ZCWPW2: variants seen among roughly 807,000 people sequenced by gnomAD.
The protein encoded by ZCWPW2 is zinc finger CW-type and PWWP domain containing 2, also known as zinc finger CW-type PWWP domain protein 2.
In ZCWPW2, 45 loss-of-function variants were observed where a neutral mutation model predicts 46.6. The ratio of observed to expected loss-of-function variants is 0.96; its 90% CI spans 0.76 to 1.24. The LOEUF is 1.24. Among genes scored for constraint, ZCWPW2 ranks in the 50% most tolerant of loss-of-function variants. ZCWPW2 has a pLI of 0.00. For missense variants in ZCWPW2, 429 were observed against 403.9 expected (o/e 1.06, Z -0.53); for synonymous variants, 152 against 137.1 (o/e 1.11, Z -0.76).
intron 1 of ZCWPW2, among the ~76,000 whole-genome samples, chr3:28,380,128 G>A (rs1694983384): frequency 6.6e-6 from 1 of 151,822 alleles, no homozygotes; most frequent in Non-Finnish European, 1.5e-5. Flanking sequence ...GACTACAGGT[G>A]CCCACCACCA....
At chr3:28,520,936 T>A in intron 8 of ZCWPW2, 56 bp from the exon 9 acceptor site, 1 of 1,594,114 alleles carries the variant, frequency 6.3e-7, no homozygotes, top group Non-Finnish European at 8.6e-7. Context: ...AGATTATGAA[T>A]TAGATTGAAT....
chr3:28,520,859 A>G, intron 8 of ZCWPW2, 133 bp from the exon 9 acceptor site: 1 of 1,091,140 alleles, frequency 9.2e-7, no homozygotes. Flanking sequence ...GTCATGTATG[A>G]AAATTATATG....
chr3:28,393,538 C>T (rs1695579339), intron 2 of ZCWPW2, among the ~76,000 whole-genome samples: 1 of 151,942 alleles, frequency 6.6e-6, no homozygotes, highest in South Asian at 2.1e-4. Context: ...CAAAAATCCT[C>T]AACAAAATGC....
intron 3 of ZCWPW2, 53 bp downstream of exon 3, chr3:28,413,453 G>A (rs558496522): frequency 7.1e-7 from 1 of 1,410,662 alleles, no homozygotes; most frequent in African/African-American, 1.4e-5. Flanking sequence ...CTAGGTTTAT[G>A]AATATTAAAA....
chr3:28,397,476 C>T (rs1695748237), intron 2 of ZCWPW2, among the ~76,000 whole-genome samples: 1 of 152,122 alleles, frequency 6.6e-6, no homozygotes, highest in Non-Finnish European at 1.5e-5. Flanking sequence ...TTGAGACCAG[C>T]CTAGCCAACA....
chr3:28,402,575 C>T (rs1695990989), intron 2 of ZCWPW2, among the ~76,000 whole-genome samples: 1 of 152,086 alleles, frequency 6.6e-6, no homozygotes, highest in Non-Finnish European at 1.5e-5. Flanking sequence ...CACCCTAATA[C>T]CAAAACGAGA....
At chr3:28,504,010 A>G (rs1014603053) in intron 6 of ZCWPW2, among the ~76,000 whole-genome samples, 1 of 151,938 alleles carries the variant, frequency 6.6e-6, no homozygotes, top group African/African-American at 2.4e-5. Context: ...AGCCTGGGTA[A>G]CATCGTGAAA....
At chr3:28,512,304 A>C (rs1700448872) in intron 6 of ZCWPW2, among the ~76,000 whole-genome samples, 1 of 151,996 alleles carries the variant, frequency 6.6e-6, no homozygotes, top group Non-Finnish European at 1.5e-5. Flanking sequence ...CAGCCTCCCA[A>C]GTAGCTGGAA....
intron 2 of ZCWPW2, among the ~76,000 whole-genome samples, chr3:28,391,078 A>T (rs1240977704): frequency 4.6e-5 from 7 of 152,176 alleles, no homozygotes; most frequent in Non-Finnish European, 8.8e-5. Flanking sequence ...CAACTTTTAG[A>T]CTAAAATTAT....
At chr3:28,389,772 A>G (rs1291946876) in intron 1 of ZCWPW2, among the ~76,000 whole-genome samples, 2 of 152,182 alleles carry the variant, frequency 1.3e-5, no homozygotes, top group East Asian at 3.9e-4. Flanking sequence ...TGGCAAGTCC[A>G]GTTTCTGATG....
intron 3 of ZCWPW2, chr3:28,428,228 G>A (rs1034154684): frequency 3.9e-5 from 6 of 152,418 alleles, no homozygotes; most frequent in Admixed American, 1.3e-4. Flanking sequence ...AGGTCCTGAC[G>A]CTACAATTGA....
At chr3:28,459,018 A>G (rs1698527389) in intron 4 of ZCWPW2, among the ~76,000 whole-genome samples, 1 of 151,670 alleles carries the variant, frequency 6.6e-6, no homozygotes, top group African/African-American at 2.4e-5. Flanking sequence ...GTTTGTTTTG[A>G]TCTACTCTTG....
At chr3:28,515,965 G>C (rs1700555181) in intron 8 of ZCWPW2, among the ~76,000 whole-genome samples, 1 of 151,998 alleles carries the variant, frequency 6.6e-6, no homozygotes, top group South Asian at 2.1e-4. Context: ...CACCAGCCAG[G>C]CACGGTGGCT....
chr3:28,449,693 A>G, intron 4 of ZCWPW2, among the ~76,000 whole-genome samples: 1 of 152,222 alleles, frequency 6.6e-6, no homozygotes, highest in East Asian at 1.9e-4. Context: ...GTATTTTATC[A>G]TGATAAAAAA....
At chr3:28,448,026 A>C (rs771619401) in intron 4 of ZCWPW2, 2 of 377,504 alleles carry the variant, frequency 5.3e-6, no homozygotes, top group Non-Finnish European at 1.0e-5. Context: ...AGGAGCAGAA[A>C]ATTGTTGTGA....
In ZCWPW2 at chr3:28,380,979, A is replaced by ATC. The variant is rs1394815080; in HGVS notation, c.-133-9518_-133-9517insCT. On this transcript the variant is annotated intron_variant, in intron 1 of 9. Transcript: ENST00000383768. The stretch of plus-strand genomic sequence containing the variant: ...ATATATATATATATATATTTGGTAT[A>ATC]TATATATATATATATATTTGGTATA... 4.6e-4 allele frequency among the ~76,000 whole-genome samples: 21 copies of ATC among 45,512 alleles called. 5 individuals are homozygous for ATC. Among genetic ancestry groups the ATC allele is most frequent in the African/African-American group, 2.7e-3 (20 of 7,534 alleles). The allele number at this position is 45,512 out of a possible 152,430, so 29.9% of individuals were successfully genotyped here.
At position 28,361,701 on chromosome 3, in the gene ZCWPW2, T is replaced by G. The variant is rs368179855; in HGVS notation, c.-134+12498T>G. On this transcript the variant is annotated intron_variant, in intron 1 of 9. Coordinates refer to ENST00000383768, the MANE Select transcript of ZCWPW2 (RefSeq NM_001040432.4). ...ATGTAATAGCAAAAAAAAACCTGAT[T>G]AAAAATGGCAAAGGGCTTGATTAGA... is the stretch of plus-strand genomic sequence containing the variant. Among the ~76,000 whole-genome samples the G allele has an allele frequency of 1.1e-3, 160 of 152,174 alleles. 5 individuals carry two copies. The South Asian group carries it at 0.029, about 28-fold the overall frequency.
chr3:28,403,370 A>T (rs535599179), intron 2 of ZCWPW2, among the ~76,000 whole-genome samples: 1 of 152,194 alleles, frequency 6.6e-6, no homozygotes, highest in Non-Finnish European at 1.5e-5. Flanking sequence ...GGAAAACTAC[A>T]TAACACTGCT....
At chr3:28,369,631 C>A (rs970344034) in intron 1 of ZCWPW2, among the ~76,000 whole-genome samples, 4 of 152,212 alleles carry the variant, frequency 2.6e-5, no homozygotes, top group Non-Finnish European at 4.4e-5. Context: ...GGCAGTCTGT[C>A]CGTTCTCAGA....
Sources: allele counts gnomAD v4.1 joint callset (sites outside exome capture counted in the v4.1 genomes callset), GRCh38; gene constraint gnomAD v4.1.1; transcripts MANE v1.5; gene names NCBI Gene and HGNC (gene_info 2026-07-23, HGNC 2026-07-21).